PRKN: variants seen among roughly 807,000 people sequenced by gnomAD.
PRKN encodes the protein E3 ubiquitin-protein ligase parkin.
PRKN carries 56 observed loss-of-function variants against 59.5 expected under a neutral mutation model. The observed-to-expected ratio is 0.94, with a 90% CI of 0.76 to 1.18. PRKN has a LOEUF of 1.18. Among genes scored for constraint, PRKN ranks in the 50% most tolerant of loss-of-function variants. The pLI is 0.00. For missense variants in PRKN, 657 were observed against 596.4 expected, an observed-to-expected ratio of 1.10 and a Z score of -1.06; for synonymous variants, 250 against 222.1, an observed-to-expected ratio of 1.13 and a Z score of -1.12.
intron 2 of PRKN, among the ~76,000 whole-genome samples, chr6:162,380,281 A>T (rs1786358389): frequency 6.6e-6 from 1 of 151,644 alleles, no homozygotes; most frequent in African/African-American, 2.4e-5. Flanking sequence ...TACAGAAGAG[A>T]TTTCTCAAAG....
chr6:161,364,241 A>G (rs1204999458), intron 10 of PRKN, among the ~76,000 whole-genome samples: 2 of 151,296 alleles, frequency 1.3e-5, no homozygotes, highest in Non-Finnish European at 2.9e-5. Context: ...CAGGCAGATC[A>G]CCAAGTCAGG....
chr6:162,716,584 T>TC (rs1280941449), intron 1 of PRKN, among the ~76,000 whole-genome samples: 3 of 152,118 alleles, frequency 2.0e-5, no homozygotes, highest in African/African-American at 7.2e-5. Context: ...AACTTCCCCT[T>TC]CTCTACAGGA....
chr6:162,049,221 T>G (rs982850215), intron 5 of PRKN, among the ~76,000 whole-genome samples: 2 of 151,754 alleles, frequency 1.3e-5, no homozygotes, highest in African/African-American at 4.9e-5. Flanking sequence ...ACTGCTATTT[T>G]AAGTTCTAAG....
At chr6:161,559,043 A>G (rs1442395754) in intron 8 of PRKN, among the ~76,000 whole-genome samples, 1 of 109,912 alleles carries the variant, frequency 9.1e-6, no homozygotes, top group African/African-American at 3.7e-5. Context: ...AACATCAAAC[A>G]AGACCTAAAA....
intron 2 of PRKN, among the ~76,000 whole-genome samples, chr6:162,358,930 G>T (rs1372486992): frequency 6.6e-6 from 1 of 151,080 alleles, no homozygotes; most frequent in Non-Finnish European, 1.5e-5. Context: ...TGTGGTGGCG[G>T]CTGCCTGCAA....
At chr6:162,259,409 C>G (rs1779791387) in intron 3 of PRKN, among the ~76,000 whole-genome samples, 1 of 152,152 alleles carries the variant, frequency 6.6e-6, no homozygotes, top group Non-Finnish European at 1.5e-5. Context: ...CAGACAAATA[C>G]ATCAAAATTT....
intron 2 of PRKN, among the ~76,000 whole-genome samples, chr6:162,380,295 C>T (rs1169903043): frequency 6.6e-6 from 1 of 151,340 alleles, no homozygotes; most frequent in Non-Finnish European, 1.5e-5. Flanking sequence ...CTCAAAGGAA[C>T]ACAGAGTTCT....
rs1026204537 is a variant in PRKN, at chr6:161,582,514, C to T, written c.872-13098G>A. ...CGATCTAGGCTCACTGCAAGCTCCG[C>T]CTCCCAGGTTCACGCCATTCTCCTG... On this transcript the variant is annotated intron_variant, in intron 7 of 11. Transcript: ENST00000366898. This position sits in a 1 kb window ranked among gnomAD's most constrained non-coding sequence, Gnocchi z 4.4. 1.3e-5 allele frequency among the ~76,000 whole-genome samples: 2 copies of T among 151,776 alleles called. No homozygotes were observed. Among genetic ancestry groups the T allele is most frequent in the Non-Finnish European group, 2.9e-5 (2 of 67,970 alleles).
chr6:162,112,877 C>T (rs1188667681), intron 4 of PRKN, among the ~76,000 whole-genome samples: 4 of 151,986 alleles, frequency 2.6e-5, no homozygotes, highest in Non-Finnish European at 2.9e-5. Context: ...GAGCCATGGT[C>T]GCGCCACTGC....
At chr6:162,320,298 G>T (rs1225519664) in intron 2 of PRKN, among the ~76,000 whole-genome samples, 2 of 130,616 alleles carry the variant, frequency 1.5e-5, no homozygotes, top group South Asian at 2.6e-4. Flanking sequence ...TTGATGTAAT[G>T]ATTTTTCCTT....
At chr6:162,068,280 A>G (rs1307479736) in intron 4 of PRKN, among the ~76,000 whole-genome samples, 1 of 152,060 alleles carries the variant, frequency 6.6e-6, no homozygotes, top group Non-Finnish European at 1.5e-5. Flanking sequence ...TTCCAGGTAC[A>G]TTACTTCATT....
At chr6:162,262,224 C>A (rs1252762071) in intron 3 of PRKN, among the ~76,000 whole-genome samples, 1 of 152,170 alleles carries the variant, frequency 6.6e-6, no homozygotes, top group African/African-American at 2.4e-5. Flanking sequence ...TTAGAAACTA[C>A]AAATGGCTCG....
At chr6:162,413,797 G>A (rs981705082) in intron 2 of PRKN, among the ~76,000 whole-genome samples, 5 of 152,088 alleles carry the variant, frequency 3.3e-5, no homozygotes, top group African/African-American at 1.2e-4. Context: ...GTCCAGAATC[G>A]GCACTTGGAG....
chr6:162,559,494 C>T (rs9356049), intron 1 of PRKN, among the ~76,000 whole-genome samples: 46,861 of 151,944 alleles, frequency 0.31, 7,675 homozygotes, highest in East Asian at 0.5. Flanking sequence ...TGGAATTGTG[C>T]TACATAAAGA....
rs34802719 is a variant in PRKN at position 161,710,117 on chromosome 6, T to TA, written c.871+75654dup. Among the ~76,000 whole-genome samples, 75 of 148,544 alleles carry TA rather than the reference T, an allele frequency of 5.0e-4. 1 individual carries two copies. In the East Asian group the frequency reaches 9.1e-3, roughly 18 times the overall value. On this transcript the variant is annotated intron_variant, in intron 7 of 11. Coordinates refer to ENST00000366898, the MANE Select transcript of PRKN (RefSeq NM_004562.3). The stretch of plus-strand genomic sequence containing the variant: ...TGACAAGCATTGGAATAATTCCAAT[T>TA]AAAAAAAAAAACCTACAGAAAAGAG...
Position 162,213,175 on chromosome 6 carries a change from G to A in PRKN, c.413-11923C>T, listed in dbSNP as rs564973370. ...GAAAAGGGAGAATGATGGTTAGAAA[G>A]TGGGGTGGTGGTCCTAAAGAAACAG... On this transcript the variant is annotated intron_variant, in intron 3 of 11. Coordinates refer to ENST00000366898, the MANE Select transcript of PRKN (RefSeq NM_004562.3). Among the ~76,000 whole-genome samples the A allele has an allele frequency of 1.8e-3, 275 of 152,314 alleles. 2 individuals carry two copies. The highest frequency in any genetic ancestry group is 6.4e-3 in the African/African-American group (265 of 41,568).
At chr6:162,372,407 C>T (rs1177364185) in intron 2 of PRKN, among the ~76,000 whole-genome samples, 1 of 150,976 alleles carries the variant, frequency 6.6e-6, no homozygotes. Context: ...GCTGAGTTTA[C>T]TCACACGTGC....
chr6:162,679,176 T>C (rs1779676221), intron 1 of PRKN, among the ~76,000 whole-genome samples: 1 of 151,842 alleles, frequency 6.6e-6, no homozygotes, highest in African/African-American at 2.4e-5. Flanking sequence ...CTCGCCTCAC[T>C]GCAACCTCCA....
In PRKN at chr6:161,503,002, A is replaced by G. The variant is rs1206880973; in HGVS notation, c.1083+45852T>C. Among the ~76,000 whole-genome samples the G allele has an allele frequency of 6.6e-6, 1 of 152,198 alleles. No homozygotes were observed. The highest frequency in any genetic ancestry group is 1.5e-5 in the Non-Finnish European group (1 of 68,032). ...GATTGAGTTAGATGATACATATCCA[A>G]TGTTAAGCACCATGTCTGATAGAAA... On this transcript the variant is annotated intron_variant, in intron 9 of 11. Coordinates refer to ENST00000366898, the MANE Select transcript of PRKN (RefSeq NM_004562.3). The surrounding 1 kb of genome is among the most constrained non-coding windows in gnomAD (Gnocchi z 5.1).
Sources: allele counts gnomAD v4.1 joint callset (sites outside exome capture counted in the v4.1 genomes callset), GRCh38; gene constraint gnomAD v4.1.1; non-coding constraint Gnocchi (gnomAD v3.1); transcripts MANE v1.5; gene names NCBI Gene and HGNC (gene_info 2026-07-23, HGNC 2026-07-21).